The following MRPL1 variants were observed in gnomAD, a reference collection of about 807,000 sequenced individuals.
MRPL1 encodes the protein mitochondrial ribosomal protein L1.
In MRPL1, 28 loss-of-function variants were observed where a neutral mutation model predicts 38.0. The observed-to-expected ratio is 0.74, with a 90% CI of 0.55 to 1.01. The LOEUF is 1.01. Ranked by LOEUF, MRPL1 falls within the 50% of genes least tolerant of loss-of-function variation. MRPL1 has a pLI of 0.00. For synonymous variants in MRPL1, 123 were observed against 126.7 expected, an observed-to-expected ratio of 0.97 and a Z score of 0.20; for missense variants, 358 against 389.8, an observed-to-expected ratio of 0.92 and a Z score of 0.69.
intron 1 of MRPL1, among the ~76,000 whole-genome samples, chr4:77,870,447 G>C (rs1735254218): frequency 6.6e-6 from 1 of 152,196 alleles, no homozygotes; most frequent in South Asian, 2.1e-4. Flanking sequence ...TTTATAAACT[G>C]ATATGAAGTG....
At chr4:77,915,332 T>C (rs1736398034) in intron 7 of MRPL1, among the ~76,000 whole-genome samples, 2 of 152,248 alleles carry the variant, frequency 1.3e-5, no homozygotes, top group Admixed American at 1.3e-4. Context: ...CTACTGCCTT[T>C]GTATATCCAA....
At chr4:77,882,910 C>T (rs149359384) in intron 2 of MRPL1, among the ~76,000 whole-genome samples, 11 of 152,334 alleles carry the variant, frequency 7.2e-5, no homozygotes, top group Admixed American at 5.2e-4. Flanking sequence ...GCCTCCTAGG[C>T]TGGATTGAAT....
intron 7 of MRPL1, among the ~76,000 whole-genome samples, chr4:77,934,597 A>G (rs1284530955): frequency 3.9e-5 from 6 of 152,216 alleles, no homozygotes; most frequent in Admixed American, 3.3e-4. Flanking sequence ...TGGGAATGTA[A>G]AATACTATAG....
chr4:77,921,077 A>G (rs1736561515), intron 7 of MRPL1, among the ~76,000 whole-genome samples: 2 of 152,196 alleles, frequency 1.3e-5, no homozygotes, highest in African/African-American at 4.8e-5. Context: ...TCCTTGATTT[A>G]GGACTTCAGC....
Position 77,891,391 on chromosome 4 carries a change from C to T in MRPL1, c.559-2748C>T, listed in dbSNP as rs115199613. 5.4e-3 allele frequency among the ~76,000 whole-genome samples: 791 copies of T among 146,900 alleles called. 7 individuals are homozygous for T. The highest frequency in any genetic ancestry group is 0.019 in the African/African-American group (742 of 39,496). ...TTTTTTTTGAGACAGTGTGTCGTTG[C>T]ATCACCCAGGCTGGAGTGCAGTGAC... is the stretch of plus-strand genomic sequence containing the variant. On this transcript the variant is annotated intron_variant, in intron 5 of 8. Coordinates refer to ENST00000315567, the MANE Select transcript of MRPL1 (RefSeq NM_020236.4).
intron 5 of MRPL1, among the ~76,000 whole-genome samples, chr4:77,889,255 A>G (rs1366553813): frequency 6.6e-6 from 1 of 152,222 alleles, no homozygotes; most frequent in Non-Finnish European, 1.5e-5. Flanking sequence ...AGCAAATGTA[A>G]AAGAACAGAA....
rs1462515677 is a variant in MRPL1 at position 77,874,727 on chromosome 4, A to G, written c.143+2872A>G. The stretch of plus-strand genomic sequence containing the variant: ...TTATTATATTTATATTTCTTTTATT[A>G]TTAATGAGGTTGTATACCTCTTCAT... On this transcript the variant is annotated intron_variant, in intron 2 of 8. Coordinates refer to ENST00000315567, the MANE Select transcript of MRPL1 (RefSeq NM_020236.4). 2.0e-5 allele frequency among the ~76,000 whole-genome samples: 3 copies of G among 151,380 alleles called. No individual in the cohort carries two copies. In the East Asian group the frequency reaches 5.8e-4, roughly 29 times the overall value.
At chr4:77,930,640 C>T (rs1223533584) in intron 7 of MRPL1, among the ~76,000 whole-genome samples, 2 of 152,198 alleles carry the variant, frequency 1.3e-5, no homozygotes. Flanking sequence ...CATATCAGAA[C>T]CCTGTCAGTG....
chr4:77,946,392 G>A (rs1413965545), intron 7 of MRPL1, among the ~76,000 whole-genome samples: 1 of 151,944 alleles, frequency 6.6e-6, no homozygotes, highest in Non-Finnish European at 1.5e-5. Context: ...CAATCAATTT[G>A]TACAGTTAAT....
chr4:77,864,059 C>G (rs1046260310), intron 1 of MRPL1, among the ~76,000 whole-genome samples: 1 of 141,390 alleles, frequency 7.1e-6, no homozygotes, highest in Non-Finnish European at 1.5e-5. Flanking sequence ...AGAGTTATTG[C>G]TCAAAAATTA....
At chr4:77,937,479 A>C (rs1227527537) in intron 7 of MRPL1, among the ~76,000 whole-genome samples, 1 of 152,196 alleles carries the variant, frequency 6.6e-6, no homozygotes, top group African/African-American at 2.4e-5. Context: ...GAGGAGATTA[A>C]GGGGGAAAAC....
chr4:77,926,711 T>C (rs938857693), intron 7 of MRPL1, among the ~76,000 whole-genome samples: 20 of 151,082 alleles, frequency 1.3e-4, no homozygotes, highest in African/African-American at 4.9e-4. Flanking sequence ...TGGGTTCAGG[T>C]GATTCTCTTG....
intron 7 of MRPL1, among the ~76,000 whole-genome samples, chr4:77,920,725 C>T (rs1736549964): frequency 6.6e-6 from 1 of 152,062 alleles, no homozygotes; most frequent in Admixed American, 6.6e-5. Flanking sequence ...GGTGATTTTG[C>T]TTTTATTCCC....
chr4:77,888,885 C>T (rs990394101), intron 5 of MRPL1, among the ~76,000 whole-genome samples: 7 of 152,062 alleles, frequency 4.6e-5, no homozygotes, highest in African/African-American at 7.2e-5. Flanking sequence ...AGACAGGGCC[C>T]GGTGTGTGAT....
chr4:77,942,789 G>A (rs748132968), intron 7 of MRPL1, among the ~76,000 whole-genome samples: 1 of 152,112 alleles, frequency 6.6e-6, no homozygotes, highest in East Asian at 1.9e-4. Context: ...TGAGTCTCTT[G>A]AAGACAGCAG....
chr4:77,934,771 C>G (rs1736924759), intron 7 of MRPL1, among the ~76,000 whole-genome samples: 1 of 152,128 alleles, frequency 6.6e-6, no homozygotes, highest in Non-Finnish European at 1.5e-5. Context: ...CCAGAAGGTA[C>G]AAGCAGCCCA....
chr4:77,889,279 G>C (rs1374840402), intron 5 of MRPL1, among the ~76,000 whole-genome samples: 1 of 152,204 alleles, frequency 6.6e-6, no homozygotes, highest in Non-Finnish European at 1.5e-5. Context: ...ATAACAAACT[G>C]TCTCTCAGAC....
intron 6 of MRPL1, among the ~76,000 whole-genome samples, chr4:77,900,083 C>G (rs1485227304): frequency 1.3e-5 from 2 of 152,200 alleles, no homozygotes; most frequent in Admixed American, 6.5e-5. Context: ...GTATGAAGCA[C>G]AAGCTGGGTA....
intron 5 of MRPL1, among the ~76,000 whole-genome samples, chr4:77,888,108 G>T (rs1010084510): frequency 6.6e-6 from 1 of 152,156 alleles, no homozygotes; most frequent in African/African-American, 2.4e-5. Context: ...CCTCTATAAT[G>T]TTGGTGCTTT....
Sources: gnomAD v4.1 joint callset for allele counts (sites outside exome capture counted in the v4.1 genomes callset) on GRCh38, gnomAD v4.1.1 for gene constraint, MANE v1.5 for transcripts, NCBI Gene and HGNC (gene_info 2026-07-23, HGNC 2026-07-21) for gene names.